The following LRRC59 variants were observed in gnomAD, a reference collection of about 807,000 sequenced individuals.
The protein encoded by LRRC59 is leucine rich repeat containing 59.
Under a neutral mutation model 33.5 loss-of-function variants are expected in LRRC59, and 18 were observed. The observed-to-expected ratio is 0.54, with a 90% confidence interval of 0.37 to 0.80. The LOEUF is 0.80. Ranked by LOEUF, LRRC59 falls within the 30% of genes least tolerant of loss-of-function variation. The pLI is 0.00. For synonymous variants in LRRC59, 138 were observed against 160.0 expected (o/e 0.86, Z 1.04); for missense variants, 330 against 391.9 (o/e 0.84, Z 1.33).
Position 50,382,324 on chromosome 17 carries a change from A to C in LRRC59, c.*664T>G, listed in dbSNP as rs1913878729. 1 of 152,438 alleles carries C rather than the reference A, an allele frequency of 6.6e-6. No individual in the cohort carries two copies. Among genetic ancestry groups the C allele is most frequent in the Non-Finnish European group, 1.5e-5 (1 of 68,232 alleles). The allele number at this position is 152,438 out of a possible 1,614,324, so 9.4% of individuals were successfully genotyped here. A position where few individuals can be genotyped will look rare whatever the true frequency, so the allele number is the denominator to read the frequency against. On this transcript the variant is annotated 3_prime_UTR_variant, in exon 7 of 7. Coordinates refer to ENST00000225972, the MANE Select transcript of LRRC59 (RefSeq NM_018509.4). ...GAGGGAAAATGATGTAAAGGGAAGA[A>C]AGAATACCAGAGTGGGAATCCAGTT...
chr17:50,394,153 A>G (rs899583409), intron 2 of LRRC59, among the ~76,000 whole-genome samples: 1 of 152,218 alleles, frequency 6.6e-6, no homozygotes, highest in African/African-American at 2.4e-5. Context: ...TCCAATGAGG[A>G]CATTGCCAAC....
At chr17:50,388,664 C>T (rs1383365037) in intron 4 of LRRC59, among the ~76,000 whole-genome samples, 2 of 152,178 alleles carry the variant, frequency 1.3e-5, no homozygotes, top group Non-Finnish European at 2.9e-5. Flanking sequence ...TTAAAACTGT[C>T]AGAAAAAAGT....
At chr17:50,397,149 T>C (rs753600275) in intron 1 of LRRC59, 64 bp downstream of exon 1, 4 of 1,195,526 alleles carry the variant, frequency 3.3e-6, no homozygotes, top group Non-Finnish European at 4.7e-6. Flanking sequence ...GGAAAGTAAG[T>C]GGCCCACGTA....
In LRRC59 at chr17:50,392,908, A is replaced by G. The variant is rs749171518; in HGVS notation, c.166-11T>C. ...GCCACAGAAATCCGACTAGGATCCA[A>G]AGAGAGAACCTAAGCTAGGCTTGTC... On this transcript the variant is annotated splice_polypyrimidine_tract_variant and intron_variant, in intron 2 of 6. Coordinates refer to ENST00000225972, the MANE Select transcript of LRRC59 (RefSeq NM_018509.4). 1.2e-6 allele frequency: 2 copies of G among 1,611,010 alleles called. No homozygotes were observed. The highest frequency in any genetic ancestry group is 2.2e-5 in the South Asian group (2 of 91,022).
intron 5 of LRRC59, among the ~76,000 whole-genome samples, chr17:50,387,224 A>G (rs1263390452): frequency 6.6e-6 from 1 of 152,242 alleles, no homozygotes; most frequent in Non-Finnish European, 1.5e-5. Context: ...CTAAGGCAAC[A>G]TTTGAGCAGA....
intron 6 of LRRC59, among the ~76,000 whole-genome samples, chr17:50,384,765 CAAAAA>C (rs5820811): frequency 1.5e-5 from 2 of 132,154 alleles, no homozygotes; most frequent in Non-Finnish European, 3.2e-5. Flanking sequence ...AACTCTGTCT[CAAAAA>C]AAAAAAAAAA....
chr17:50,383,121 A>G lies in LRRC59; in HGVS notation c.791T>C (p.Val264Ala). 1 of 1,560,520 alleles carries G rather than the reference A, an allele frequency of 6.4e-7. No individual in the cohort carries two copies. The highest frequency in any genetic ancestry group is 8.7e-7 in the Non-Finnish European group (1 of 1,152,718). Reference protein sequence around the residue: ...LLLFGVAGGLVACRVTELQQQ... With the variant: ...LLLFGVAGGLAACRVTELQQQ... ...CTGCAGCTCTGTCACCCGACAAGCA[A>G]CCAGCCCTCCCGCCACACCAAATAG... Residue 264 changes from valine to alanine, a missense_variant, in exon 7 of 7, where the codon GTT becomes GCT. Transcript: ENST00000225972.
chr17:50,396,775 A>G, intron 1 of LRRC59: 1 of 213,326 alleles, frequency 4.7e-6, no homozygotes, highest in African/African-American at 2.3e-5. Flanking sequence ...AGCCAGCTGG[A>G]ATTGCCAGCT....
chr17:50,381,672 G>A lies in LRRC59; in HGVS notation c.*1316C>T, dbSNP rs1418539112. The A allele has an allele frequency of 3.3e-5, 5 of 152,676 alleles. No individual in the cohort carries two copies. The highest frequency in any genetic ancestry group is 1.2e-4 in the African/African-American group (5 of 41,476). The allele number at this position is 152,676 out of a possible 1,614,324, so 9.5% of individuals were successfully genotyped here. A position where few individuals can be genotyped will look rare whatever the true frequency, so the allele number is the denominator to read the frequency against. ...TTCTTGCTCCCTCCGGGGGAGCCAA[G>A]GAGCTTGCAACTGGGAGTTTGCAGT... On this transcript the variant is annotated 3_prime_UTR_variant, in exon 7 of 7. Coordinates refer to ENST00000225972, the MANE Select transcript of LRRC59 (RefSeq NM_018509.4).
chr17:50,386,669 C>T (rs765112001), intron 5 of LRRC59, among the ~76,000 whole-genome samples: 4 of 152,114 alleles, frequency 2.6e-5, no homozygotes, highest in Non-Finnish European at 4.4e-5. Context: ...AGAGTAAACA[C>T]GGGTATGTCT....
chr17:50,389,958 T>C (rs11652971), intron 4 of LRRC59, among the ~76,000 whole-genome samples: 99,411 of 151,592 alleles, frequency 0.66, 33,312 homozygotes, highest in African/African-American at 0.7. Flanking sequence ...ATTAGCTGGG[T>C]GTGGTGGTGT....
rs1269162796 is a variant in LRRC59 at position 50,382,801 on chromosome 17, C to T, written c.*187G>A. Reference sequence around the variant, plus strand: ...CCCCCCGCCACCTCCCATTTCTCCTCATTCCTTCAGGGAACCCTGACTAAG... The same window carrying T: ...CCCCCCGCCACCTCCCATTTCTCCTTATTCCTTCAGGGAACCCTGACTAAG... On this transcript the variant is annotated 3_prime_UTR_variant, in exon 7 of 7. Transcript: ENST00000225972. 1.3e-5 allele frequency: 9 copies of T among 711,622 alleles called. No individual in the cohort carries two copies. The highest frequency in any genetic ancestry group is 1.5e-5 in the Non-Finnish European group (7 of 459,102). 44.1% of individuals were successfully genotyped at this position (711,622 alleles called of 1,614,324 possible). A position where few individuals can be genotyped will look rare whatever the true frequency, so the allele number is the denominator to read the frequency against.
rs915014193 is a variant in LRRC59 at position 50,383,212 on chromosome 17, G to C, written c.700C>G (p.Arg234Gly). The change falls in exon 7 of 7, where the codon CGC (arginine) becomes GGC (glycine). Residue 234 changes from arginine to glycine, a missense_variant. Transcript: ENST00000225972. ...GTGTGCTTCCGGGGTGGTGGCTTGC[G>C]GGGACGGGAGCCAGACTTAGATTCT... ...APKSKSGSRP[R>G]KPPPRKHTRS... 1 of 1,553,302 alleles carries C rather than the reference G, an allele frequency of 6.4e-7. No homozygotes were observed. Among genetic ancestry groups the C allele is most frequent in the Non-Finnish European group, 8.7e-7 (1 of 1,147,984 alleles).
chr17:50,394,262 A>C (rs1914219139), intron 2 of LRRC59, among the ~76,000 whole-genome samples: 1 of 152,182 alleles, frequency 6.6e-6, no homozygotes, highest in Non-Finnish European at 1.5e-5. Flanking sequence ...TGGAAGTGGC[A>C]ATAGCACACT....
chr17:50,389,943 CA>C (rs1914101290), intron 4 of LRRC59, among the ~76,000 whole-genome samples: 1 of 151,660 alleles, frequency 6.6e-6, no homozygotes, highest in South Asian at 2.1e-4. Context: ...CTAAAAAATA[CA>C]AAAATTAGCT....
intron 5 of LRRC59, among the ~76,000 whole-genome samples, chr17:50,385,977 A>G (rs1207955800): frequency 1.3e-5 from 2 of 152,198 alleles, no homozygotes; most frequent in Non-Finnish European, 2.9e-5. Flanking sequence ...GGATCTATTG[A>G]GCTCAGGAAG....
chr17:50,389,319 A>AT (rs949199306), intron 4 of LRRC59, among the ~76,000 whole-genome samples: 1 of 152,056 alleles, frequency 6.6e-6, no homozygotes, highest in African/African-American at 2.4e-5. Context: ...TTCTGTTTGT[A>AT]TTTTTTTAAA....
intron 5 of LRRC59, among the ~76,000 whole-genome samples, chr17:50,387,057 G>A (rs1392181060): frequency 6.6e-6 from 1 of 152,190 alleles, no homozygotes; most frequent in Non-Finnish European, 1.5e-5. Flanking sequence ...GGCGGAGGTT[G>A]CAGTGAGCCG....
chr17:50,386,656 G>T (rs1478289286), intron 5 of LRRC59, among the ~76,000 whole-genome samples: 4 of 152,274 alleles, frequency 2.6e-5, no homozygotes, highest in East Asian at 3.9e-4. Context: ...GGCAACAGGG[G>T]TCAGAGTAAA....
Sources: allele counts gnomAD v4.1 joint callset (sites outside exome capture counted in the v4.1 genomes callset), GRCh38; gene constraint gnomAD v4.1.1; transcripts MANE v1.5; gene names NCBI Gene and HGNC (gene_info 2026-07-23, HGNC 2026-07-21).